Variants in LRP2 observed in about 807,000 individuals in gnomAD.
LRP2 encodes low-density lipoprotein receptor-related protein 2.
In LRP2, 172 loss-of-function variants were observed where a neutral mutation model predicts 531.0. That is an observed-to-expected ratio of 0.32 (90% CI 0.29 to 0.37). The LOEUF is 0.37. Ranked by LOEUF, LRP2 falls within the 10% of genes least tolerant of loss-of-function variation. LRP2 has a pLI of 1.00. For synonymous variants in LRP2, 1,992 were observed against 2,027.6 expected (o/e 0.98, Z 0.47); for missense variants, 5,167 against 5,868.3 (o/e 0.88, Z 3.90).
Position 169,237,112 on chromosome 2 carries a change from G to C in LRP2, c.4682C>G (p.Pro1561Arg). The C allele has an allele frequency of 6.2e-7, 1 of 1,613,502 alleles. No individual in the cohort carries two copies. The highest frequency in any genetic ancestry group is 8.5e-7 in the Non-Finnish European group (1 of 1,179,612). The change falls in exon 28 of 79, where the codon CCC (proline) becomes CGC (arginine). Residue 1561 changes from proline to arginine, a missense_variant. Transcript: ENST00000649046. ...LTNPRGLALD[P>R]RMNEHLLFWS... ...TAAAAAAAAGTCTTACTTCATTCTG[G>C]GATCTAATGCTAGTCCTCTTGGATT...
At position 169,233,821 on chromosome 2, in the gene LRP2, C is replaced by T. The variant is rs2239594; in HGVS notation, c.4921-233G>A. Among the ~76,000 whole-genome samples, 84,827 of 152,088 alleles carry T rather than the reference C, an allele frequency of 0.56. 24,906 individuals carry two copies. The highest frequency in any genetic ancestry group is 0.76 in the South Asian group (3,637 of 4,812). The stretch of plus-strand genomic sequence containing the variant: ...ACGTGCCATTTACTCTTTATGTTTG[C>T]CTTGGTAATTACACTGGGCATCTAT... On this transcript the variant is annotated intron_variant, in intron 29 of 78. Coordinates refer to ENST00000649046, the MANE Select transcript of LRP2 (RefSeq NM_004525.3).
chr2:169,136,132 C>T (rs12373565), intron 76 of LRP2, among the ~76,000 whole-genome samples: 1,626 of 152,082 alleles, frequency 0.011, 32 homozygotes, highest in African/African-American at 0.037. Flanking sequence ...CATACAAAAC[C>T]GTATCCAGGC....
At chr2:169,260,579 G>A (rs1690505228) in intron 16 of LRP2, among the ~76,000 whole-genome samples, 1 of 152,042 alleles carries the variant, frequency 6.6e-6, no homozygotes, top group Admixed American at 6.6e-5. Context: ...CCAAAAGGCA[G>A]CTGGCACTAT....
chr2:169,188,013 G>C lies in LRP2; in HGVS notation c.9285C>G (p.Asn3095Lys). 3 of 1,614,070 alleles carry C rather than the reference G, an allele frequency of 1.9e-6. No homozygotes were observed. The highest frequency in any genetic ancestry group is 2.5e-6 in the Non-Finnish European group (3 of 1,180,010). Reference sequence around the variant, plus strand: ...TGTTGTCCAAACAGTCATCTAGGTGGTTGCAGAGTTTCATCATCTCGATGC... The same window carrying C: ...TGTTGTCCAAACAGTCATCTAGGTGCTTGCAGAGTTTCATCATCTCGATGC... ...GRCIEMMKLC[N>K]HLDDCLDNSD... The change falls in exon 49 of 79, where the codon AAC becomes AAG. Residue 3095 changes from asparagine (N) to lysine (K), a missense_variant. Physicochemically the swap from Asn to Lys is moderately conservative, Grantham distance 94. This residue lies in a region of LRP2 where 1,129 missense variants were observed against 1,362.7 expected (regional missense o/e 0.83). Coordinates refer to ENST00000649046, the MANE Select transcript of LRP2 (RefSeq NM_004525.3).
chr2:169,301,523 A>AAT (rs1001298593), intron 4 of LRP2, among the ~76,000 whole-genome samples: 11 of 151,972 alleles, frequency 7.2e-5, no homozygotes, highest in African/African-American at 1.2e-4. Context: ...CACAGGTTTT[A>AAT]ATATATATAT....
intron 13 of LRP2, among the ~76,000 whole-genome samples, chr2:169,276,486 CTT>C (rs1219750983): frequency 1.3e-5 from 2 of 152,038 alleles, no homozygotes; most frequent in African/African-American, 4.8e-5. Context: ...TTTTATGTGA[CTT>C]ATTGGGTTAG....
chr2:169,360,640 A>G (rs932783285), intron 1 of LRP2, among the ~76,000 whole-genome samples: 11 of 152,192 alleles, frequency 7.2e-5, no homozygotes, highest in Admixed American at 6.5e-4. Context: ...TTAGGACATG[A>G]GATACAACCC....
chr2:169,352,372 G>A (rs182064966), intron 1 of LRP2, among the ~76,000 whole-genome samples: 77 of 152,294 alleles, frequency 5.1e-4, no homozygotes, highest in African/African-American at 1.8e-3. Context: ...AAAGAGTCCT[G>A]TCCTTCTTGT....
intron 16 of LRP2, among the ~76,000 whole-genome samples, chr2:169,269,207 C>T (rs1683327632): frequency 6.6e-6 from 1 of 152,084 alleles, no homozygotes; most frequent in Admixed American, 6.5e-5. Flanking sequence ...CAATGCCATC[C>T]CCATCAAGCT....
At chr2:169,163,234 C>T (rs1277208689) in intron 62 of LRP2, among the ~76,000 whole-genome samples, 1 of 151,930 alleles carries the variant, frequency 6.6e-6, no homozygotes, top group Admixed American at 6.6e-5. Flanking sequence ...AATCATGGAG[C>T]GAGGTTAGAA....
At chr2:169,285,459 A>G (rs1446382911) in intron 9 of LRP2, among the ~76,000 whole-genome samples, 3 of 152,222 alleles carry the variant, frequency 2.0e-5, no homozygotes, top group African/African-American at 4.8e-5. Context: ...TCGTGAGAGT[A>G]GAAAAGATAG....
At chr2:169,159,893 T>C (rs1461855892) in intron 63 of LRP2, among the ~76,000 whole-genome samples, 1 of 152,190 alleles carries the variant, frequency 6.6e-6, no homozygotes, top group Non-Finnish European at 1.5e-5. Flanking sequence ...AGTGATCCAC[T>C]AAATGAGTCA....
chr2:169,233,474 C>A lies in LRP2; in HGVS notation c.5035G>T (p.Val1679Leu). Residue 1679 changes from valine to leucine, a missense_variant, in exon 30 of 79, where the codon GTA becomes TTA. Transcript: ENST00000649046. ...NKWHGGNQSV[V>L]MYNIQWPLGI... ...AGGGGCCATTGAATATTATACATTA[C>A]AACTGACTGGTTCCCTCCATGCCAC... 6.2e-7 allele frequency: 1 copy of A among 1,614,164 alleles called. No individual in the cohort carries two copies. The highest frequency in any genetic ancestry group is 8.5e-7 in the Non-Finnish European group (1 of 1,180,026).
intron 17 of LRP2, among the ~76,000 whole-genome samples, chr2:169,258,197 G>T (rs1443324994): frequency 2.6e-5 from 4 of 152,128 alleles, no homozygotes; most frequent in African/African-American, 4.8e-5. Flanking sequence ...AGGCATTCCA[G>T]TCAGACAGGT....
At chr2:169,220,970 G>A (rs1165152600) in intron 33 of LRP2, among the ~76,000 whole-genome samples, 2 of 152,068 alleles carry the variant, frequency 1.3e-5, no homozygotes, top group African/African-American at 2.4e-5. Flanking sequence ...CAAGGCACTC[G>A]GTGGCCAGTT....
At chr2:169,314,379 T>A (rs1345076294) in intron 3 of LRP2, among the ~76,000 whole-genome samples, 1 of 151,412 alleles carries the variant, frequency 6.6e-6, no homozygotes, top group Non-Finnish European at 1.5e-5. Context: ...GCTATAATCA[T>A]GCCACTGCAC....
intron 16 of LRP2, among the ~76,000 whole-genome samples, chr2:169,265,692 C>T (rs949514948): frequency 1.1e-4 from 16 of 151,976 alleles, no homozygotes; most frequent in Non-Finnish European, 2.2e-4. Context: ...CAAAATAAAA[C>T]ACTCACAGAC....
chr2:169,277,721 T>C, intron 13 of LRP2, 24 bp downstream of exon 13: 2 of 1,599,144 alleles, frequency 1.3e-6, no homozygotes, highest in Non-Finnish European at 1.7e-6. Context: ...TATAAAGCCA[T>C]AAGCCATAAA....
chr2:169,188,518 C>G (rs1312042341), intron 48 of LRP2, among the ~76,000 whole-genome samples: 1 of 152,114 alleles, frequency 6.6e-6, no homozygotes, highest in African/African-American at 2.4e-5. Context: ...AGAAATGCTA[C>G]CATTAAATGC....
Sources: gnomAD v4.1 joint callset for allele counts (sites outside exome capture counted in the v4.1 genomes callset) on GRCh38, gnomAD v4.1.1 for gene constraint, gnomAD v4.1.1 regional missense constraint, MANE v1.5 for transcripts, NCBI Gene and HGNC (gene_info 2026-07-23, HGNC 2026-07-21) for gene names.